The following ATG10 variants were observed in gnomAD, a reference collection of about 807,000 sequenced individuals.
ATG10 encodes ubiquitin-like-conjugating enzyme ATG10.
Under a neutral mutation model 32.1 loss-of-function variants are expected in ATG10, and 30 were observed. The ratio of observed to expected loss-of-function variants is 0.94; its 90% confidence interval spans 0.70 to 1.27. ATG10 has a LOEUF of 1.27. Ranked by LOEUF, ATG10 falls within the 50% of genes most tolerant of loss-of-function variation. The probability of loss-of-function intolerance (pLI) is 0.00; values close to 1 mark genes in which losing one functional copy is unlikely to be tolerated. For synonymous variants in ATG10, 87 were observed against 91.5 expected, an observed-to-expected ratio of 0.95 and a Z score of 0.28; for missense variants, 233 against 262.3, an observed-to-expected ratio of 0.89 and a Z score of 0.77.
chr5:82,234,108 C>A (rs1346762855), intron 5 of ATG10, among the ~76,000 whole-genome samples: 2 of 152,126 alleles, frequency 1.3e-5, no homozygotes, highest in East Asian at 1.9e-4. Flanking sequence ...TGTGCAGACC[C>A]ATCTCAGTGC....
intron 4 of ATG10, among the ~76,000 whole-genome samples, chr5:82,171,155 A>T (rs983025369): frequency 1.3e-5 from 2 of 152,140 alleles, no homozygotes; most frequent in Admixed American, 1.3e-4. Context: ...TTACTAGGTT[A>T]AGTGATTCAC....
intron 3 of ATG10, among the ~76,000 whole-genome samples, chr5:82,097,254 AT>A (rs1333149407): frequency 6.6e-6 from 1 of 152,178 alleles, no homozygotes; most frequent in African/African-American, 2.4e-5. Flanking sequence ...GAAATTTAAA[AT>A]TTAAAAACAC....
intron 2 of ATG10, among the ~76,000 whole-genome samples, chr5:82,017,077 A>G (rs1000744205): frequency 9.2e-5 from 14 of 151,722 alleles, no homozygotes; most frequent in African/African-American, 3.1e-4. Context: ...TCTATGATTT[A>G]TCTCAGCAGT....
intron 4 of ATG10, among the ~76,000 whole-genome samples, chr5:82,178,087 T>C (rs1267322470): frequency 6.6e-6 from 1 of 152,142 alleles, no homozygotes; most frequent in Non-Finnish European, 1.5e-5. Context: ...GATGCATGGG[T>C]ATGGCTTCTT....
At chr5:82,144,865 T>A (rs1689707716) in intron 3 of ATG10, among the ~76,000 whole-genome samples, 1 of 152,112 alleles carries the variant, frequency 6.6e-6, no homozygotes, top group African/African-American at 2.4e-5. Flanking sequence ...AGCTTTTCTA[T>A]AAATTGCTGA....
At chr5:82,025,460 A>C (rs191741849) in intron 2 of ATG10, among the ~76,000 whole-genome samples, 1 of 152,190 alleles carries the variant, frequency 6.6e-6, no homozygotes, top group African/African-American at 2.4e-5. Flanking sequence ...GTCCCAATCC[A>C]TGGTTGAACT....
At chr5:82,112,221 C>T (rs1051140251) in intron 3 of ATG10, among the ~76,000 whole-genome samples, 2 of 151,918 alleles carry the variant, frequency 1.3e-5, no homozygotes, top group Non-Finnish European at 2.9e-5. Flanking sequence ...CTGCATCTTT[C>T]TCCTCTTTAT....
At chr5:82,032,538 A>AC (rs1425188400) in intron 2 of ATG10, among the ~76,000 whole-genome samples, 1 of 152,080 alleles carries the variant, frequency 6.6e-6, no homozygotes, top group African/African-American at 2.4e-5. Flanking sequence ...TAAGGAAAGC[A>AC]CATATGCTTT....
intron 5 of ATG10, among the ~76,000 whole-genome samples, chr5:82,180,875 C>G (rs1419606039): frequency 7.9e-5 from 12 of 151,992 alleles, no homozygotes. Context: ...TATTTTAATT[C>G]CACGTGTCTT....
intron 3 of ATG10, among the ~76,000 whole-genome samples, chr5:82,071,265 A>G (rs1253762431): frequency 6.6e-6 from 1 of 152,186 alleles, no homozygotes; most frequent in Non-Finnish European, 1.5e-5. Context: ...CCAATAAAGC[A>G]GAAGTGCCCC....
At chr5:82,000,297 A>G (rs1403480719) in intron 2 of ATG10, among the ~76,000 whole-genome samples, 1 of 152,208 alleles carries the variant, frequency 6.6e-6, no homozygotes, top group African/African-American at 2.4e-5. Context: ...TCAACAAACT[A>G]GGCACTGAAG....
At chr5:82,246,086 T>G (rs1478961437) in intron 5 of ATG10, among the ~76,000 whole-genome samples, 23 of 151,870 alleles carry the variant, frequency 1.5e-4, no homozygotes, top group African/African-American at 5.6e-4. Context: ...TTTTTTTTTT[T>G]TTTGAAACAG....
rs1211203812 is a variant in ATG10, at chr5:82,224,542, A to C, written c.454-28020A>C. ...TTGGGACTATGAATCGGGTATTTGC[A>C]TGCAGGGGGAAGGAGAGAATAGAGG... is the stretch of plus-strand genomic sequence containing the variant. On this transcript the variant is annotated intron_variant, in intron 5 of 7. Coordinates refer to ENST00000282185, the MANE Select transcript of ATG10 (RefSeq NM_031482.5). 2.0e-5 allele frequency among the ~76,000 whole-genome samples: 3 copies of C among 152,160 alleles called. No individual in the cohort carries two copies. The South Asian group carries it at 6.2e-4, about 32-fold the overall frequency.
At chr5:82,030,011 T>G (rs1464328602) in intron 2 of ATG10, among the ~76,000 whole-genome samples, 1 of 152,158 alleles carries the variant, frequency 6.6e-6, no homozygotes, top group Non-Finnish European at 1.5e-5. Context: ...CCTTAGAGTC[T>G]GTGAAGTCTG....
At chr5:82,064,973 C>T (rs1417522766) in intron 3 of ATG10, among the ~76,000 whole-genome samples, 1 of 152,068 alleles carries the variant, frequency 6.6e-6, no homozygotes, top group Non-Finnish European at 1.5e-5. Flanking sequence ...AGGACAATAG[C>T]TAGGAAGTGA....
At position 82,164,396 on chromosome 5, in the gene ATG10, T is replaced by A. The variant is rs1561334490; in HGVS notation, c.217-3T>A. On this transcript the variant is annotated splice_polypyrimidine_tract_variant and splice_region_variant and intron_variant, in intron 3 of 7. Transcript: ENST00000282185. ...TTTTCGTTTTGTTTTTGCTTTTTTT[T>A]AGGAGGCTTTCGAGCTACCCTTGGA... is the stretch of plus-strand genomic sequence containing the variant. 7 of 1,613,292 alleles carry A rather than the reference T, an allele frequency of 4.3e-6. No homozygotes were observed. The highest frequency in any genetic ancestry group is 4.5e-5 in the East Asian group (2 of 44,858).
At chr5:82,229,734 A>G (rs1172781690) in intron 5 of ATG10, among the ~76,000 whole-genome samples, 2 of 152,108 alleles carry the variant, frequency 1.3e-5, no homozygotes, top group African/African-American at 4.8e-5. Flanking sequence ...TCAGTCCTCC[A>G]TGTCTGCAGG....
At chr5:82,214,610 C>T (rs1424089620) in intron 5 of ATG10, among the ~76,000 whole-genome samples, 1 of 152,102 alleles carries the variant, frequency 6.6e-6, no homozygotes, top group Admixed American at 6.6e-5. Context: ...AATAGCACTA[C>T]CTGTATATGA....
chr5:81,973,052 A>G (rs1457938981), intron 1 of ATG10: 1 of 152,184 alleles, frequency 6.6e-6, no homozygotes, highest in African/African-American at 2.4e-5. Flanking sequence ...GGAGATGCAA[A>G]TTATTTCTGA....
Sources: gnomAD v4.1 joint callset for allele counts (sites outside exome capture counted in the v4.1 genomes callset) on GRCh38, gnomAD v4.1.1 for gene constraint, MANE v1.5 for transcripts, NCBI Gene and HGNC (gene_info 2026-07-23, HGNC 2026-07-21) for gene names.